Variants in PPP2R3B observed in about 807,000 individuals in gnomAD.
PPP2R3B encodes serine/threonine-protein phosphatase 2A regulatory subunit B'' subunit beta.
PPP2R3B carries 68 observed loss-of-function variants against 72.9 expected under a neutral mutation model. The observed-to-expected ratio is 0.93, with a 90% CI of 0.77 to 1.14. The LOEUF (loss-of-function observed/expected upper bound fraction) is 1.14, where lower values mean the gene tolerates loss of function less well. Ranked by LOEUF, PPP2R3B falls within the 50% of genes most tolerant of loss-of-function variation. The pLI, the probability that PPP2R3B is intolerant of heterozygous loss-of-function variation, is 0.00. For synonymous variants in PPP2R3B, 466 were observed against 375.8 expected (o/e 1.24, Z -2.78); for missense variants, 1,018 against 842.0 (o/e 1.21, Z -2.59).
In PPP2R3B at chrX:380,061, T is replaced by C. The variant is rs767039058; in HGVS notation, c.324+6307A>G. On this transcript the variant is annotated intron_variant, in intron 1 of 12. Transcript: ENST00000390665. The stretch of plus-strand genomic sequence containing the variant: ...GGGGTCATCCAGATACCTCACCTCA[T>C]ACCACGCAGAAAAACTGACCTGAAC... Among the ~76,000 whole-genome samples the C allele has an allele frequency of 2.6e-5, 4 of 152,264 alleles. No individual in the cohort carries two copies. In the South Asian group the frequency reaches 8.3e-4, roughly 32 times the overall value.
intron 1 of PPP2R3B, among the ~76,000 whole-genome samples, chrX:381,995 G>C (rs1158853286): frequency 6.6e-6 from 1 of 152,060 alleles, no homozygotes; most frequent in East Asian, 1.9e-4. Context: ...CAAACACGTA[G>C]ACATGTTTAA....
chrX:350,236 C>T (rs1321561290), intron 2 of PPP2R3B, among the ~76,000 whole-genome samples: 2 of 152,224 alleles, frequency 1.3e-5, no homozygotes, highest in African/African-American at 4.8e-5. Flanking sequence ...TTCACACAAA[C>T]TGAATACCAG....
At position 338,678 on chromosome X, in the gene PPP2R3B, G is replaced by A. The variant is rs368785889; in HGVS notation, c.1503C>T (p.Asp501=). The A allele has an allele frequency of 5.0e-6, 8 of 1,611,620 alleles. No individual in the cohort carries two copies. In the South Asian group the frequency reaches 8.8e-5, roughly 18 times the overall value. ...DGDSGGPELS[D]WEKYAAEEYD... is the part of the protein sequence containing the mutation. Reference sequence around the variant, plus strand: ...ACTCCTCGGCCGCGTACTTCTCCCAGTCCGAGAGCTCGGGGCCGCCGCTGT... The same window carrying A: ...ACTCCTCGGCCGCGTACTTCTCCCAATCCGAGAGCTCGGGGCCGCCGCTGT... The change falls in exon 12 of 13, where the codon GAC becomes GAT. Residue 501 remains aspartate, a synonymous_variant. Coordinates refer to ENST00000390665, the MANE Select transcript of PPP2R3B (RefSeq NM_013239.5).
chrX:367,943 T>C (rs1287703742), intron 1 of PPP2R3B, among the ~76,000 whole-genome samples: 2 of 152,194 alleles, frequency 1.3e-5, no homozygotes, highest in African/African-American at 4.8e-5. Flanking sequence ...TGGACAGACC[T>C]GGAGACAGAC....
intron 6 of PPP2R3B, 100 bp downstream of exon 6, chrX:346,074 T>TGGGGGTGGGGGG (rs2071201733): frequency 2.8e-6 from 1 of 359,852 alleles, no homozygotes; most frequent in African/African-American, 6.4e-5. Context: ...GGAGAGGGGG[T>TGGGGGTGGGGGG]GGGAGGGGAG....
intron 12 of PPP2R3B, 108 bp from the exon 13 acceptor site, chrX:334,625 C>A: frequency 8.0e-7 from 1 of 1,254,738 alleles, no homozygotes; most frequent in Non-Finnish European, 1.0e-6. Flanking sequence ...ACGAGACAGT[C>A]CCCTGAGCCG....
intron 2 of PPP2R3B, among the ~76,000 whole-genome samples, chrX:351,083 C>T (rs905189770): frequency 7.7e-4 from 117 of 152,252 alleles, no homozygotes; most frequent in African/African-American, 2.3e-3. Flanking sequence ...TGGGAAAGGA[C>T]GCGCTCCGGC....
Position 386,523 on chromosome X carries a change from C to T in PPP2R3B, c.169G>A (p.Ala57Thr). The T allele has an allele frequency of 1.4e-6, 2 of 1,413,160 alleles. No homozygotes were observed. Among genetic ancestry groups the T allele is most frequent in the Non-Finnish European group, 1.9e-6 (2 of 1,078,914 alleles). 87.5% of individuals were successfully genotyped at this position (1,413,160 alleles called of 1,614,324 possible). Residue 57 changes from alanine to threonine, a missense_variant, in exon 1 of 13, where the codon GCC (alanine) becomes ACC (threonine). By Grantham distance (58) the Ala-to-Thr change is moderately conservative. Transcript: ENST00000390665. The stretch of plus-strand genomic sequence containing the variant: ...GCGGCGAGCGGGGCTGTGGGCCAGG[C>T]CCCGGGCTGCTCCCCGTCCCCCGGG... ...PTPGDGEQPGAWPTAPLAAPR... is the reference protein window; with the variant it reads ...PTPGDGEQPGTWPTAPLAAPR...
rs192740760 is a variant in PPP2R3B, at chrX:369,120, A to G, written c.325-7530T>C. On this transcript the variant is annotated intron_variant, in intron 1 of 12. Coordinates refer to ENST00000390665, the MANE Select transcript of PPP2R3B (RefSeq NM_013239.5). ...TGCAGGTCTCAGGGGGTTCTGAAGG[A>G]ATCACAGGGACTGCTGCCCTGCCCC... Among the ~76,000 whole-genome samples, 835 of 152,324 alleles carry G rather than the reference A, an allele frequency of 5.5e-3. 5 individuals carry two copies. The highest frequency in any genetic ancestry group is 0.027 in the Middle Eastern group (8 of 294).
Position 345,524 on chromosome X carries a change from TTGTGCCGCGCCAGGTCG to T in PPP2R3B, c.1011_1027del (p.Asp337GlufsTer2), listed in dbSNP as rs773461057. On this transcript the variant is annotated frameshift_variant, in exon 7 of 13. Transcript: ENST00000390665. LOFTEE classifies it high-confidence loss of function. ...CCTGTGCCCCCACGCACCGTGGTCATTGTGCCGCGCCAGGTCGTCCGCGTCGATGAGCAGGTCGTGGT... is the reference window on the plus strand; with the variant it reads ...CCTGTGCCCCCACGCACCGTGGTCATTCCGCGTCGATGAGCAGGTCGTGGT... 5 of 1,612,364 alleles carry T rather than the reference TTGTGCCGCGCCAGGTCG, an allele frequency of 3.1e-6. No individual in the cohort carries two copies. The East Asian group carries it at 1.1e-4, about 36-fold the overall frequency.
intron 2 of PPP2R3B, among the ~76,000 whole-genome samples, chrX:359,066 C>T (rs891760918): frequency 6.6e-6 from 1 of 152,182 alleles, no homozygotes. Flanking sequence ...GCTGCGCGAG[C>T]GGCTTTGTAG....
At chrX:334,976 G>C (rs751316489) in intron 12 of PPP2R3B, 5 of 158,556 alleles carry the variant, frequency 3.2e-5, no homozygotes, top group African/African-American at 9.6e-5. Flanking sequence ...GACTGGACGC[G>C]CGCCTTCCCT....
chrX:379,160 CATGT>C (rs2072065883), intron 1 of PPP2R3B, among the ~76,000 whole-genome samples: 1 of 139,064 alleles, frequency 7.2e-6, no homozygotes, highest in African/African-American at 2.8e-5. Context: ...CCTATGTGTG[CATGT>C]ACCTGTGTGT....
rs141968088 is a variant in PPP2R3B at position 338,869 on chromosome X, C to T, written c.1379G>A (p.Arg460His). The T allele has an allele frequency of 4.1e-4, 658 of 1,612,426 alleles. 5 individuals carry two copies. In the African/African-American group the frequency reaches 7.7e-3, roughly 19 times the overall value. ...GAAGAAGACGTTAGCCAGCTTGCAG[C>T]GCTTCAGGTCCTGCAGCGTGATCTT... The part of the protein sequence containing the change: ...EGKITLQDLK[R>H]CKLANVFFDT... The change falls in exon 11 of 13, where the codon CGC becomes CAC. Residue 460 changes from arginine (R) to histidine (H), a missense_variant. By Grantham distance (29) the Arg-to-His change is conservative (BLOSUM62 0). Coordinates refer to ENST00000390665, the MANE Select transcript of PPP2R3B (RefSeq NM_013239.5).
intron 5 of PPP2R3B, 192 bp downstream of exon 5, chrX:346,509 C>T: frequency 4.7e-6 from 3 of 644,276 alleles, no homozygotes; most frequent in South Asian, 2.0e-5. Context: ...GGTGCGGCCA[C>T]CCCGGAAAAC....
At chrX:378,317 A>T (rs1438784111) in intron 1 of PPP2R3B, among the ~76,000 whole-genome samples, 1 of 152,212 alleles carries the variant, frequency 6.6e-6, no homozygotes, top group African/African-American at 2.4e-5. Context: ...TTTTCATAAA[A>T]ATCTCTTCAC....
intron 7 of PPP2R3B, 114 bp downstream of exon 7, chrX:345,402 C>G (rs745514984): frequency 1.1e-5 from 16 of 1,396,182 alleles, no homozygotes; most frequent in Non-Finnish European, 1.6e-5. Flanking sequence ...GGAGAGGCAG[C>G]TGCAGACACA....
chrX:361,215 A>G lies in PPP2R3B; in HGVS notation c.510+190T>C, dbSNP rs757651275. 2.0e-5 allele frequency among the ~76,000 whole-genome samples: 3 copies of G among 152,360 alleles called. No individual in the cohort carries two copies. In the South Asian group the frequency reaches 6.2e-4, roughly 32 times the overall value. On this transcript the variant is annotated intron_variant, in intron 2 of 12. Coordinates refer to ENST00000390665, the MANE Select transcript of PPP2R3B (RefSeq NM_013239.5). ...ATTCACACAGCAGCAACCAGACAGC[A>G]AACCTCAGACCACAACTATAACCTC...
intron 1 of PPP2R3B, among the ~76,000 whole-genome samples, chrX:372,724 C>G (rs905517622): frequency 1.3e-5 from 2 of 152,156 alleles, no homozygotes; most frequent in African/African-American, 4.8e-5. Context: ...TTTGGAAGGC[C>G]CAGGTGGGCG....
Sources: gnomAD v4.1 joint callset for allele counts (sites outside exome capture counted in the v4.1 genomes callset) on GRCh38, gnomAD v4.1.1 for gene constraint, MANE v1.5 for transcripts, NCBI Gene and HGNC (gene_info 2026-07-23, HGNC 2026-07-21) for gene names.